RABL6: variants seen among roughly 807,000 people sequenced by gnomAD.
The protein encoded by RABL6 is RAB, member RAS oncogene family like 6.
In RABL6, 28 loss-of-function variants were observed where a neutral mutation model predicts 72.9. That is an observed-to-expected ratio of 0.38 (90% confidence interval 0.28 to 0.53). RABL6 has a LOEUF of 0.53. RABL6 is among the 20% of genes least tolerant of loss of function. RABL6 has a pLI of 0.80. For synonymous variants in RABL6, 477 were observed against 421.2 expected, an observed-to-expected ratio of 1.13 and a Z score of -1.62; for missense variants, 1,029 against 1,008.4, an observed-to-expected ratio of 1.02 and a Z score of -0.28.
Position 136,837,402 on chromosome 9 carries a change from A to G in RABL6, c.866A>G (p.Asn289Ser), listed in dbSNP as rs1848602471. 1 of 1,596,028 alleles carries G rather than the reference A, an allele frequency of 6.3e-7. No individual in the cohort carries two copies. The highest frequency in any genetic ancestry group is 1.3e-5 in the African/African-American group (1 of 74,656). The change falls in exon 9 of 15, where the codon AAC (asparagine) becomes AGC (serine). Residue 289 changes from asparagine (N) to serine (S), a missense_variant. Coordinates refer to ENST00000311502, the MANE Select transcript of RABL6 (RefSeq NM_024718.5). ...SRGHASPLAA[N>S]GQSPSPGSQS... ...GGCCATGCGTCCCCACTGGCGGCCA[A>G]CGGGCAGAGCCCATCCCCGGGCTCC...
chr9:136,840,273 G>C, intron 14 of RABL6, 49 bp from the exon 15 acceptor site: 1 of 1,611,538 alleles, frequency 6.2e-7, no homozygotes, highest in Non-Finnish European at 8.5e-7. Flanking sequence ...CTGGGACCAG[G>C]GCTGTGGCTT....
chr9:136,822,059 G>C, intron 1 of RABL6: 6 of 1,289,594 alleles, frequency 4.7e-6, no homozygotes, highest in Non-Finnish European at 6.1e-6. Flanking sequence ...GGGAACAGGT[G>C]CCTTGAGGTA....
chr9:136,813,421 C>G (rs1406392924), intron 1 of RABL6: 11 of 769,718 alleles, frequency 1.4e-5, no homozygotes, highest in Non-Finnish European at 2.1e-5. Flanking sequence ...ATTCACCCCT[C>G]CAAGTGGTCT....
chr9:136,823,565 A>G lies in RABL6; in HGVS notation c.171A>G (p.Thr57=). 1.9e-6 allele frequency: 3 copies of G among 1,613,914 alleles called. No individual in the cohort carries two copies. Among genetic ancestry groups the G allele is most frequent in the East Asian group, 2.2e-5 (1 of 44,888 alleles). ...VIRGDRNTGK[T]ALWHRLQGRP... is the part of the protein sequence containing the mutation. ...GGGGAGACAGGAACACGGGCAAGAC[A>G]GCGCTGTGGCACCGCCTGCAGGGCC... The change falls in exon 2 of 15, where the codon ACA becomes ACG. Residue 57 remains threonine, a synonymous_variant. Coordinates refer to ENST00000311502, the MANE Select transcript of RABL6 (RefSeq NM_024718.5).
At chr9:136,809,147 C>T (rs1367450022) in intron 1 of RABL6, 1 of 152,600 alleles carries the variant, frequency 6.6e-6, no homozygotes, top group Non-Finnish European at 1.5e-5. Flanking sequence ...TAGGACGCTA[C>T]GCCTATCCAG....
chr9:136,823,671 G>A lies in RABL6; in HGVS notation c.265+12G>A. On this transcript the variant is annotated intron_variant, in intron 2 of 14. Transcript: ENST00000311502. ...CTGGAGCTACAAGAGTAAGTGTGGT[G>A]GGTGCCCCAGTGGGTTCGGGCTCCA... 1.6e-5 allele frequency: 26 copies of A among 1,600,204 alleles called. No homozygotes were observed. Among genetic ancestry groups the A allele is most frequent in the Non-Finnish European group, 2.2e-5 (26 of 1,170,518 alleles).
At chr9:136,825,701 A>T in intron 2 of RABL6, 78 bp from the exon 3 acceptor site, 2 of 1,505,416 alleles carry the variant, frequency 1.3e-6, no homozygotes, top group Non-Finnish European at 1.8e-6. Flanking sequence ...GGCACAGACA[A>T]CCACACCAGC....
rs1403386984 is a variant in RABL6, at chr9:136,825,837, T to C, written c.313+11T>C. On this transcript the variant is annotated intron_variant, in intron 3 of 14. Coordinates refer to ENST00000311502, the MANE Select transcript of RABL6 (RefSeq NM_024718.5). ...ATGTAGTAGACAAAGGTGAGGCGTC[T>C]CTGTTCTGTGTCTGCTTCTCTCTGG... The C allele has an allele frequency of 6.2e-7, 1 of 1,608,790 alleles. No homozygotes were observed. The highest frequency in any genetic ancestry group is 8.5e-7 in the Non-Finnish European group (1 of 1,175,234).
rs1356530736 is a variant in RABL6 at position 136,832,266 on chromosome 9, C to T, written c.601C>T (p.Pro201Ser). The T allele has an allele frequency of 1.2e-6, 2 of 1,613,346 alleles. No homozygotes were observed. The highest frequency in any genetic ancestry group is 2.2e-5 in the East Asian group (1 of 44,888). Residue 201 changes from proline (P) to serine (S), a missense_variant and splice_region_variant, in exon 7 of 15, where the codon CCT becomes TCT. By Grantham distance (74) the Pro-to-Ser change is moderately conservative. Transcript: ENST00000311502. ...VRDFIDNLDR[P>S]PGSSYFRYAE... ...ATCTTTTTTCCTTTCTGAAAGCAGA[C>T]CTCCAGGTTCCTCCTACTTCCGCTA...
chr9:136,811,289 A>G (rs1028455325), intron 1 of RABL6, among the ~76,000 whole-genome samples: 1 of 152,122 alleles, frequency 6.6e-6, no homozygotes, highest in Non-Finnish European at 1.5e-5. Flanking sequence ...GACAACTTGA[A>G]GTGGGGGCTT....
rs896004210 is a variant in RABL6 at position 136,807,997 on chromosome 9, G to T, written c.-200G>T. The T allele has an allele frequency of 4.9e-6, 5 of 1,015,428 alleles. No homozygotes were observed. Among genetic ancestry groups the T allele is most frequent in the African/African-American group, 1.7e-5 (1 of 57,542 alleles). The allele number at this position is 1,015,428 out of a possible 1,614,324, so 62.9% of individuals were successfully genotyped here. Reference sequence around the variant, plus strand: ...AGCGGTCGCGCCGGAGGCCGCGGGGGCCGGAGCGGAGCAGCCGCGGCTGAG... The same window carrying T: ...AGCGGTCGCGCCGGAGGCCGCGGGGTCCGGAGCGGAGCAGCCGCGGCTGAG... On this transcript the variant is annotated 5_prime_UTR_variant, in exon 1 of 15. Transcript: ENST00000311502.
In RABL6 at chr9:136,839,439, G is replaced by A; in HGVS notation, c.1711G>A (p.Asp571Asn). Residue 571 changes from aspartate to asparagine, a missense_variant, in exon 12 of 15, where the codon GAT becomes AAT. Transcript: ENST00000311502. ...IAAQMLSFVM[D>N]DPDFESEGSD... ...TGCACAAATGCTGTCCTTCGTCATG[G>A]ATGACCCCGACTTTGAGAGCGAGGG... 6.2e-7 allele frequency: 1 copy of A among 1,612,606 alleles called. No homozygotes were observed. Among genetic ancestry groups the A allele is most frequent in the Non-Finnish European group, 8.5e-7 (1 of 1,179,734 alleles).
chr9:136,840,111 C>T (rs1368333661), intron 13 of RABL6, 43 bp from the exon 14 acceptor site: 2 of 1,612,356 alleles, frequency 1.2e-6, no homozygotes, highest in Admixed American at 1.7e-5. Flanking sequence ...CTTGGGGTCC[C>T]CGTTGGCCTG....
rs1564371612 is a variant in RABL6, at chr9:136,837,036, G to A, written c.810-310G>A. 2 of 481,472 alleles carry A rather than the reference G, an allele frequency of 4.2e-6. 1 individual carries two copies. Among genetic ancestry groups the A allele is most frequent in the Non-Finnish European group, 7.7e-6 (2 of 259,904 alleles). The allele number at this position is 481,472 out of a possible 1,614,324, so 29.8% of individuals were successfully genotyped here. On this transcript the variant is annotated intron_variant, in intron 8 of 14. Transcript: ENST00000311502. ...CTACAGGCACCCGCCACCACACCCG[G>A]CTAATTTTTTTTGTATTTTTAGTAG...
intron 1 of RABL6, among the ~76,000 whole-genome samples, chr9:136,819,012 AG>A (rs955465387): frequency 4.6e-5 from 7 of 152,174 alleles, no homozygotes; most frequent in Non-Finnish European, 8.8e-5. Flanking sequence ...CCAGGTAGAA[AG>A]AATACTTTCT....
rs541206183 is a variant in RABL6 at position 136,830,015 on chromosome 9, G to A, written c.458+531G>A. On this transcript the variant is annotated intron_variant, in intron 5 of 14. Coordinates refer to ENST00000311502, the MANE Select transcript of RABL6 (RefSeq NM_024718.5). ...AGTGCAGTGTCCCCCAGGACGCACC[G>A]GAGCCCCAGCGGGGGGGTGCTGCGG... Among the ~76,000 whole-genome samples, 10 of 152,352 alleles carry A rather than the reference G, an allele frequency of 6.6e-5. No homozygotes were observed. In the South Asian group the frequency reaches 8.3e-4, roughly 13 times the overall value.
At position 136,832,166 on chromosome 9, in the gene RABL6, A is replaced by T. The variant is rs891295962; in HGVS notation, c.600-99A>T. 7.0e-6 allele frequency: 8 copies of T among 1,141,022 alleles called. No individual in the cohort carries two copies. In the East Asian group the frequency reaches 7.1e-5, roughly 10 times the overall value. 70.7% of individuals were successfully genotyped at this position (1,141,022 alleles called of 1,614,324 possible). Reference sequence around the variant, plus strand: ...TGTGGCCTCAGGAGCCTGCAGGAGGAGGGAGGGCAGTGCGGACCCACAGCT... The same window carrying T: ...TGTGGCCTCAGGAGCCTGCAGGAGGTGGGAGGGCAGTGCGGACCCACAGCT... On this transcript the variant is annotated intron_variant, in intron 6 of 14. Coordinates refer to ENST00000311502, the MANE Select transcript of RABL6 (RefSeq NM_024718.5).
At chr9:136,840,273 G>A (rs745399365) in intron 14 of RABL6, 49 bp from the exon 15 acceptor site, 2 of 1,611,420 alleles carry the variant, frequency 1.2e-6, no homozygotes, top group African/African-American at 1.3e-5. Flanking sequence ...CTGGGACCAG[G>A]GCTGTGGCTT....
intron 7 of RABL6, among the ~76,000 whole-genome samples, chr9:136,834,930 A>T (rs1246879149): frequency 2.4e-5 from 2 of 84,906 alleles, no homozygotes; most frequent in Non-Finnish European, 5.3e-5. Context: ...ACCCTGTTCT[A>T]AAAAAAAAAA....
Sources: allele counts gnomAD v4.1 joint callset (sites outside exome capture counted in the v4.1 genomes callset), GRCh38; gene constraint gnomAD v4.1.1; transcripts MANE v1.5; gene names NCBI Gene and HGNC (gene_info 2026-07-23, HGNC 2026-07-21).